The following KIF27 variants were observed in gnomAD, a reference collection of about 807,000 sequenced individuals.
KIF27 encodes kinesin-like protein KIF27.
KIF27 carries 84 observed loss-of-function variants against 141.8 expected under a neutral mutation model. The ratio of observed to expected loss-of-function variants is 0.59; its 90% CI spans 0.50 to 0.71. The LOEUF (loss-of-function observed/expected upper bound fraction) is 0.71. Ranked by LOEUF, KIF27 falls within the 30% of genes least tolerant of loss-of-function variation. The pLI is 0.00. For missense variants in KIF27, 1,306 were observed against 1,628.4 expected, an observed-to-expected ratio of 0.80 and a Z score of 3.41; for synonymous variants, 471 against 569.5, an observed-to-expected ratio of 0.83 and a Z score of 2.46.
At chr9:83,902,931 T>C (rs1345940081) in intron 4 of KIF27, 129 bp downstream of exon 4, 6 of 549,994 alleles carry the variant, frequency 1.1e-5, no homozygotes, top group Non-Finnish European at 1.8e-5. Flanking sequence ...CTTGCCCAAA[T>C]AAATTTAGTC....
chr9:83,897,346 T>C (rs988638718), intron 5 of KIF27, among the ~76,000 whole-genome samples: 1 of 152,132 alleles, frequency 6.6e-6, no homozygotes, highest in African/African-American at 2.4e-5. Flanking sequence ...ATGATAAAGA[T>C]AGCACTCAAA....
Position 83,915,394 on chromosome 9 carries a change from C to T in KIF27, c.198G>A (p.Lys66=). ...CCTCAATGAGTGACAACACTAGGGG[C>T]TTTATACATGTGTTATAAACTTCAT... The part of the protein sequence containing the change: ...TQDEVYNTCI[K]PLVLSLIEGY... Residue 66 remains lysine, a synonymous_variant, in exon 2 of 18, where the codon AAG becomes AAA. Coordinates refer to ENST00000297814, the MANE Select transcript of KIF27 (RefSeq NM_017576.4). 1 of 1,613,822 alleles carries T rather than the reference C, an allele frequency of 6.2e-7. No individual in the cohort carries two copies. The highest frequency in any genetic ancestry group is 8.5e-7 in the Non-Finnish European group (1 of 1,179,810).
At position 83,903,364 on chromosome 9, in the gene KIF27, C is replaced by A. The variant is rs888073995; in HGVS notation, c.1154G>T (p.Arg385Leu). Residue 385 changes from arginine (R) to leucine (L), a missense_variant, in exon 4 of 18, where the codon CGA becomes CTA. By Grantham distance (102) the Arg-to-Leu change is moderately radical (BLOSUM62 -2). Transcript: ENST00000297814. ...AGVSQTTQIN[R>L]EGSPDTNRIH... ...CCTATTTGTATCAGGACTCCCTTCT[C>A]GATTGATCTGGGTAGTTTGGCTGAC... 6 of 1,614,112 alleles carry A rather than the reference C, an allele frequency of 3.7e-6. No homozygotes were observed. The highest frequency in any genetic ancestry group is 4.2e-6 in the Non-Finnish European group (5 of 1,180,026).
At position 83,853,837 on chromosome 9, in the gene KIF27, T is replaced by G; in HGVS notation, c.3151-2A>C. 2.5e-6 allele frequency: 4 copies of G among 1,580,476 alleles called. No homozygotes were observed. Among genetic ancestry groups the G allele is most frequent in the Non-Finnish European group, 3.5e-6 (4 of 1,149,802 alleles). On this transcript the variant is annotated splice_acceptor_variant, in intron 14 of 17. Coordinates refer to ENST00000297814, the MANE Select transcript of KIF27 (RefSeq NM_017576.4). LOFTEE classifies it high-confidence loss of function. ...AAGTTGGAAAAGAACATGTTCTTCC[T>G]AGATATAACAGAAATCACTCATTTT...
chr9:83,837,713 C>A (rs1212800704), intron 17 of KIF27: 1 of 373,940 alleles, frequency 2.7e-6, no homozygotes, highest in Non-Finnish European at 4.8e-6. Flanking sequence ...ATTCATGGAA[C>A]AAATTGAGAA....
chr9:83,890,120 G>A (rs1952526253), intron 6 of KIF27, among the ~76,000 whole-genome samples: 1 of 152,094 alleles, frequency 6.6e-6, no homozygotes, highest in Non-Finnish European at 1.5e-5. Flanking sequence ...ACATATAGTG[G>A]AATATGAGTA....
At chr9:83,890,561 T>C (rs1952578100) in intron 6 of KIF27, among the ~76,000 whole-genome samples, 1 of 152,194 alleles carries the variant, frequency 6.6e-6, no homozygotes, top group Non-Finnish European at 1.5e-5. Context: ...AAACCAAATG[T>C]CCAGAGCTAT....
chr9:83,842,707 C>A (rs1946733892), intron 16 of KIF27, among the ~76,000 whole-genome samples: 2 of 152,162 alleles, frequency 1.3e-5, no homozygotes, highest in Admixed American at 6.5e-5. Context: ...ACCTCGTGAT[C>A]CGCCCGCCTC....
intron 7 of KIF27, 151 bp downstream of exon 7, chr9:83,888,933 A>T: frequency 1.2e-6 from 1 of 815,438 alleles, no homozygotes; most frequent in Non-Finnish European, 1.8e-6. Context: ...TACTATTTTC[A>T]TAACACATTA....
intron 15 of KIF27, among the ~76,000 whole-genome samples, chr9:83,850,898 T>G (rs1948503714): frequency 8.3e-6 from 1 of 120,864 alleles, no homozygotes; most frequent in Non-Finnish European, 1.6e-5. Flanking sequence ...AGTGCAGTGG[T>G]GCAATCTCGG....
At chr9:83,885,495 CTAATT>C (rs1174780515) in intron 9 of KIF27, among the ~76,000 whole-genome samples, 9 of 152,140 alleles carry the variant, frequency 5.9e-5, no homozygotes, top group African/African-American at 1.7e-4. Context: ...TCCTCTGACT[CTAATT>C]TATGATTACT....
Position 83,841,676 on chromosome 9 carries a change from T to C in KIF27, c.3721+561A>G, listed in dbSNP as rs545181513. On this transcript the variant is annotated intron_variant, in intron 17 of 17. Coordinates refer to ENST00000297814, the MANE Select transcript of KIF27 (RefSeq NM_017576.4). ...AGGGTATATTTTAATCATAGGAATA[T>C]ATTACCTTCATAGTATTTTTTATTT... Among the ~76,000 whole-genome samples the C allele has an allele frequency of 1.8e-4, 28 of 152,322 alleles. No individual in the cohort carries two copies. The South Asian group carries it at 3.3e-3, about 18-fold the overall frequency.
At chr9:83,879,858 A>G (rs1214217008) in intron 11 of KIF27, among the ~76,000 whole-genome samples, 1 of 152,196 alleles carries the variant, frequency 6.6e-6, no homozygotes, top group East Asian at 1.9e-4. Flanking sequence ...TGCTGTGCAT[A>G]CAGGTCTGAT....
At chr9:83,867,109 T>G (rs1399493062) in intron 13 of KIF27, among the ~76,000 whole-genome samples, 8 of 152,054 alleles carry the variant, frequency 5.3e-5, no homozygotes, top group Admixed American at 5.2e-4. Context: ...TATACAAAGG[T>G]GGTCTTTTGT....
intron 1 of KIF27, among the ~76,000 whole-genome samples, chr9:83,918,766 C>T (rs1168745136): frequency 6.6e-6 from 1 of 151,938 alleles, no homozygotes; most frequent in South Asian, 2.1e-4. Context: ...CATGGTGTAA[C>T]CCCATTGCTA....
At chr9:83,877,193 C>T (rs575180278) in intron 11 of KIF27, among the ~76,000 whole-genome samples, 3 of 151,346 alleles carry the variant, frequency 2.0e-5, no homozygotes, top group African/African-American at 7.3e-5. Flanking sequence ...AGCATTTTGG[C>T]TTTTTTTTTG....
chr9:83,913,477 G>A (rs973010062), intron 2 of KIF27, among the ~76,000 whole-genome samples: 13 of 151,700 alleles, frequency 8.6e-5, no homozygotes, highest in Admixed American at 5.2e-4. Context: ...TTGGTCTGTT[G>A]CCCAGGCTGG....
At chr9:83,876,639 G>A (rs1951222924) in intron 11 of KIF27, among the ~76,000 whole-genome samples, 1 of 152,124 alleles carries the variant, frequency 6.6e-6, no homozygotes. Context: ...AAGGTGGGAG[G>A]ACTTACTTCC....
rs1945788956 is a variant in KIF27 at position 83,836,023 on chromosome 9, C to T, written c.*978G>A. Reference sequence around the variant, plus strand: ...TGTACATTATATAGTAAAATTTTGACCAGAAAAACTTGGAGATTTTAGTAA... The same window carrying T: ...TGTACATTATATAGTAAAATTTTGATCAGAAAAACTTGGAGATTTTAGTAA... On this transcript the variant is annotated 3_prime_UTR_variant, in exon 18 of 18. Coordinates refer to ENST00000297814, the MANE Select transcript of KIF27 (RefSeq NM_017576.4). Among the ~76,000 whole-genome samples the T allele has an allele frequency of 6.6e-6, 1 of 151,976 alleles. No homozygotes were observed. The highest frequency in any genetic ancestry group is 2.1e-4 in the South Asian group (1 of 4,818).
Sources: gnomAD v4.1 joint callset for allele counts (sites outside exome capture counted in the v4.1 genomes callset) on GRCh38, gnomAD v4.1.1 for gene constraint, MANE v1.5 for transcripts, NCBI Gene and HGNC (gene_info 2026-07-23, HGNC 2026-07-21) for gene names.